SNX29: variants seen among roughly 807,000 people sequenced by gnomAD.
The protein encoded by SNX29 is sorting nexin-29.
Under a neutral mutation model 102.1 loss-of-function variants are expected in SNX29, and 78 were observed. The observed-to-expected ratio is 0.76, with a 90% confidence interval of 0.64 to 0.92. The LOEUF (loss-of-function observed/expected upper bound fraction) is 0.92. Among genes scored for constraint, SNX29 ranks in the 40% least tolerant of loss-of-function variants. The pLI is 0.00. For missense variants in SNX29, 1,280 were observed against 1,061.7 expected, an observed-to-expected ratio of 1.21 and a Z score of -2.86; for synonymous variants, 580 against 414.5, an observed-to-expected ratio of 1.40 and a Z score of -4.85.
intron 11 of SNX29, among the ~76,000 whole-genome samples, chr16:12,099,663 G>T (rs1004601399): frequency 4.6e-5 from 7 of 152,150 alleles, no homozygotes; most frequent in African/African-American, 1.7e-4. Flanking sequence ...CTACCCTTTT[G>T]TATTCAGACT....
rs58148692 is a variant in SNX29, at chr16:12,339,370, C to CAAAAAAAAAAAAAAAAAA, written c.1783-16786_1783-16769dup. Among the ~76,000 whole-genome samples, 6 of 56,278 alleles carry CAAAAAAAAAAAAAAAAAA rather than the reference C, an allele frequency of 1.1e-4. 1 individual carries two copies. In the East Asian group the frequency reaches 2.4e-3, roughly 23 times the overall value. The allele number at this position is 56,278 out of a possible 152,430, so 36.9% of individuals were successfully genotyped here. On this transcript the variant is annotated intron_variant, in intron 15 of 20. Coordinates refer to ENST00000566228, the MANE Select transcript of SNX29 (RefSeq NM_032167.5). Reference sequence around the variant, plus strand: ...TGGGCGACAGAGTGAGATTCTGTCTCAAAAAAAAAAAAAAAAAAAAAAAAG... The same window carrying CAAAAAAAAAAAAAAAAAA: ...TGGGCGACAGAGTGAGATTCTGTCTCAAAAAAAAAAAAAAAAAAAAAAAAAAAAAAAAAAAAAAAAAAG...
At chr16:12,170,696 C>CA (rs1446775047) in intron 13 of SNX29, among the ~76,000 whole-genome samples, 1 of 151,668 alleles carries the variant, frequency 6.6e-6, no homozygotes, top group Non-Finnish European at 1.5e-5. Context: ...GGGTGGTAGA[C>CA]ACGGTCCCAG....
intron 19 of SNX29, among the ~76,000 whole-genome samples, chr16:12,508,520 A>G (rs1301128754): frequency 6.6e-6 from 1 of 152,170 alleles, no homozygotes; most frequent in Non-Finnish European, 1.5e-5. Flanking sequence ...CTGCTAGCTG[A>G]TTTGAGAATG....
At chr16:12,222,166 G>T (rs2077496281) in intron 14 of SNX29, among the ~76,000 whole-genome samples, 1 of 152,208 alleles carries the variant, frequency 6.6e-6, no homozygotes, top group Non-Finnish European at 1.5e-5. Flanking sequence ...AACACAGAGA[G>T]CTTAAGTCAC....
chr16:12,276,117 T>C (rs1567386772), intron 14 of SNX29, among the ~76,000 whole-genome samples: 2 of 152,138 alleles, frequency 1.3e-5, no homozygotes, highest in African/African-American at 2.4e-5. Context: ...GGTTTCGGAC[T>C]CCTGACCTCA....
intron 16 of SNX29, among the ~76,000 whole-genome samples, chr16:12,366,232 G>A (rs1381529398): frequency 1.3e-5 from 2 of 152,068 alleles, no homozygotes; most frequent in Admixed American, 6.5e-5. Flanking sequence ...ACACGGGGGT[G>A]CTCCGTGCTT....
intron 16 of SNX29, among the ~76,000 whole-genome samples, chr16:12,387,397 G>A (rs2083377268): frequency 6.6e-6 from 1 of 152,186 alleles, no homozygotes; most frequent in Non-Finnish European, 1.5e-5. Context: ...GAGCAATGAG[G>A]AGAATCGTTG....
chr16:12,229,710 G>A (rs1290388387), intron 14 of SNX29, among the ~76,000 whole-genome samples: 1 of 152,098 alleles, frequency 6.6e-6, no homozygotes, highest in South Asian at 2.1e-4. Flanking sequence ...TTGAAGTAGT[G>A]TAGAGGGTTG....
chr16:12,457,942 G>A (rs1325311893), intron 18 of SNX29, among the ~76,000 whole-genome samples: 1 of 152,228 alleles, frequency 6.6e-6, no homozygotes, highest in East Asian at 1.9e-4. Flanking sequence ...ATACATTAGA[G>A]AGAGGTGCAG....
intron 16 of SNX29, among the ~76,000 whole-genome samples, chr16:12,357,366 A>C (rs2082165061): frequency 6.6e-6 from 1 of 151,988 alleles, no homozygotes; most frequent in Admixed American, 6.6e-5. Flanking sequence ...TATCCTTATC[A>C]CCCCCATTAC....
intron 18 of SNX29, among the ~76,000 whole-genome samples, chr16:12,447,533 G>A (rs1390698726): frequency 6.6e-6 from 1 of 152,194 alleles, no homozygotes; most frequent in African/African-American, 2.4e-5. Context: ...ACAGAGCCGA[G>A]ATTTCATAAA....
chr16:12,025,651 A>G (rs954630267), intron 3 of SNX29, among the ~76,000 whole-genome samples: 2 of 152,208 alleles, frequency 1.3e-5, no homozygotes, highest in Non-Finnish European at 2.9e-5. Context: ...GTGGCCTACA[A>G]TGCTGGGATC....
chr16:12,539,050 C>T lies in SNX29; in HGVS notation c.2318+14209C>T, dbSNP rs147339577. On this transcript the variant is annotated intron_variant, in intron 20 of 20. Transcript: ENST00000566228. The stretch of plus-strand genomic sequence containing the variant: ...TCCAGAATGGGGCCCAGAAAGACAT[C>T]ACTGTGTATTCTGGGATAGGGCCAA... Among the ~76,000 whole-genome samples the T allele has an allele frequency of 3.9e-3, 597 of 152,306 alleles. 5 individuals carry two copies. Among genetic ancestry groups the T allele is most frequent in the African/African-American group, 0.014 (571 of 41,564 alleles).
At chr16:12,301,440 C>A (rs1035368243) in intron 15 of SNX29, among the ~76,000 whole-genome samples, 2 of 152,190 alleles carry the variant, frequency 1.3e-5, no homozygotes, top group South Asian at 4.1e-4. Flanking sequence ...CCCTCTCCCC[C>A]AAATCTCCAC....
rs1436128930 is a variant in SNX29 at position 12,574,114 on chromosome 16, T to G, written c.*5485T>G. 1 of 185,380 alleles carries G rather than the reference T, an allele frequency of 5.4e-6. No individual in the cohort carries two copies. The highest frequency in any genetic ancestry group is 2.3e-5 in the African/African-American group (1 of 42,636). The allele number at this position is 185,380 out of a possible 1,614,324, so 11.5% of individuals were successfully genotyped here. On this transcript the variant is annotated 3_prime_UTR_variant, in exon 21 of 21. Coordinates refer to ENST00000566228, the MANE Select transcript of SNX29 (RefSeq NM_032167.5). ...TGTAGTATTATCTTAACTACCCTCT[T>G]ATGTTAAGGTTTACATAATAGGATT...
At chr16:12,225,666 G>A (rs1194690526) in intron 14 of SNX29, among the ~76,000 whole-genome samples, 1 of 152,142 alleles carries the variant, frequency 6.6e-6, no homozygotes, top group Admixed American at 6.5e-5. Flanking sequence ...GGTCAGCCCA[G>A]GTACAAGTTG....
intron 1 of SNX29, among the ~76,000 whole-genome samples, chr16:11,982,423 G>GTTTTTTTTTTTTTTTTTTT (rs60761477): frequency 1.5e-4 from 18 of 120,356 alleles, no homozygotes; most frequent in Non-Finnish European, 2.4e-4. Flanking sequence ...CTTTCCATCA[G>GTTTTTTTTTTTTTTTTTTT]TTTTTTTTTT....
chr16:12,420,254 CAACTG>C (rs1400337583), intron 18 of SNX29, among the ~76,000 whole-genome samples: 2 of 152,210 alleles, frequency 1.3e-5, no homozygotes, highest in Non-Finnish European at 2.9e-5. Flanking sequence ...GATGAATAGA[CAACTG>C]AAATGAATAA....
intron 16 of SNX29, among the ~76,000 whole-genome samples, chr16:12,365,143 C>G (rs1056100424): frequency 6.6e-6 from 1 of 152,124 alleles, no homozygotes; most frequent in Non-Finnish European, 1.5e-5. Flanking sequence ...ACTGCTCACT[C>G]TTTATTTTAT....
Sources: gnomAD v4.1 joint callset for allele counts (sites outside exome capture counted in the v4.1 genomes callset) on GRCh38, gnomAD v4.1.1 for gene constraint, MANE v1.5 for transcripts, NCBI Gene and HGNC (gene_info 2026-07-23, HGNC 2026-07-21) for gene names.